The following VSIG8 variants were observed in gnomAD, a reference collection of about 807,000 sequenced individuals.
VSIG8 encodes the protein V-set and immunoglobulin domain-containing protein 8.
A neutral mutation model predicts 42.6 loss-of-function variants in VSIG8; 32 were observed. The ratio of observed to expected loss-of-function variants is 0.75; its 90% confidence interval spans 0.57 to 1.01. The LOEUF (loss-of-function observed/expected upper bound fraction) is 1.01, where lower values mean the gene tolerates loss of function less well. Among genes scored for constraint, VSIG8 ranks in the 50% least tolerant of loss-of-function variants. The probability of loss-of-function intolerance (pLI) is 0.00; values close to 1 mark genes in which losing one functional copy is unlikely to be tolerated. For missense variants in VSIG8, 529 were observed against 558.0 expected, an observed-to-expected ratio of 0.95 and a Z score of 0.52; for synonymous variants, 290 against 243.8, an observed-to-expected ratio of 1.19 and a Z score of -1.77.
At position 159,857,971 on chromosome 1, in the gene VSIG8, A is replaced by T. The variant is rs765485143; in HGVS notation, c.431-5T>A. On this transcript the variant is annotated splice_polypyrimidine_tract_variant and splice_region_variant and intron_variant, in intron 3 of 6. Transcript: ENST00000368100. ...ACATGGGCACTGCAGGTCGTGCTGC[A>T]AGGAGGCAGACAATTGTAAGCCAGG... 24 of 1,613,270 alleles carry T rather than the reference A, an allele frequency of 1.5e-5. No homozygotes were observed. Among genetic ancestry groups the T allele is most frequent in the Admixed American group, 6.7e-5 (4 of 59,894 alleles).
In VSIG8 at chr1:159,854,633, C is replaced by T; in HGVS notation, c.*120G>A. ...TTCCTTAGGGAAATGCCTTCACCCCCAGCCGCCTGGCAGCCTGGGGCGAGC... is the reference window on the plus strand; with the variant it reads ...TTCCTTAGGGAAATGCCTTCACCCCTAGCCGCCTGGCAGCCTGGGGCGAGC... On this transcript the variant is annotated 3_prime_UTR_variant, in exon 7 of 7. Transcript: ENST00000368100. 1 of 1,342,344 alleles carries T rather than the reference C, an allele frequency of 7.4e-7. No individual in the cohort carries two copies. Among genetic ancestry groups the T allele is most frequent in the Non-Finnish European group, 9.5e-7 (1 of 1,052,000 alleles). The allele number at this position is 1,342,344 out of a possible 1,614,324, so 83.2% of individuals were successfully genotyped here.
chr1:159,858,748 G>T lies in VSIG8; in HGVS notation c.214C>A (p.His72Asn). 6.2e-7 allele frequency: 1 copy of T among 1,612,462 alleles called. No individual in the cohort carries two copies. Among genetic ancestry groups the T allele is most frequent in the East Asian group, 2.2e-5 (1 of 44,864 alleles). Residue 72 changes from histidine (H) to asparagine (N), a missense_variant, in exon 2 of 7, where the codon CAC becomes AAC. His to Asn is a moderately conservative substitution (Grantham distance 68, BLOSUM62 1). Transcript: ENST00000368100. ...WMQVNSDPAH[H>N]RENVFLSYQD... is the part of the protein sequence containing the mutation. ...CCAGCACTCACCACGTTCTCTCGGTGGTGGGCGGGGTCTGAGTTGACCTGC... is the reference window on the plus strand; with the variant it reads ...CCAGCACTCACCACGTTCTCTCGGTTGTGGGCGGGGTCTGAGTTGACCTGC...
rs772510529 is a variant in VSIG8 at position 159,857,934 on chromosome 1, C to T, written c.463G>A (p.Gly155Ser). Residue 155 changes from glycine (G) to serine (S), a missense_variant, in exon 4 of 7, where the codon GGC (glycine) becomes AGC (serine). Physicochemically the swap from Gly to Ser is moderately conservative, Grantham distance 56 (BLOSUM62 0). Coordinates refer to ENST00000368100, the MANE Select transcript of VSIG8 (RefSeq NM_001013661.1). ...RPAVPMCWTE[G>S]HMTYGNDVVL... ...ACATCGTTGCCATATGTCATGTGGC[C>T]CTCTGTCCAGCACATGGGCACTGCA... 1 of 1,614,140 alleles carries T rather than the reference C, an allele frequency of 6.2e-7. No individual in the cohort carries two copies. The highest frequency in any genetic ancestry group is 1.7e-5 in the Admixed American group (1 of 60,024).
Position 159,854,707 on chromosome 1 carries a change from C to CG in VSIG8, c.*45dup. The CG allele has an allele frequency of 7.0e-7, 1 of 1,418,632 alleles. No homozygotes were observed. The highest frequency in any genetic ancestry group is 9.1e-7 in the Non-Finnish European group (1 of 1,095,600). The allele number at this position is 1,418,632 out of a possible 1,614,324, so 87.9% of individuals were successfully genotyped here. A position where few individuals can be genotyped will look rare whatever the true frequency, so the allele number is the denominator to read the frequency against. ...GTCCCCAGCTGCAGACAGAGAGCCC[C>CG]GCGCCCTCCTCCTGGCTGGGGCGCA... is the stretch of plus-strand genomic sequence containing the variant. On this transcript the variant is annotated 3_prime_UTR_variant, in exon 7 of 7. Transcript: ENST00000368100.
chr1:159,862,570 T>C lies in VSIG8; in HGVS notation c.-49A>G. On this transcript the variant is annotated 5_prime_UTR_variant, in exon 1 of 7. Transcript: ENST00000368100. The stretch of plus-strand genomic sequence containing the variant: ...CGTCTGGGCTGGGTATCCCGTGGGG[T>C]CGTAGTGGTGGGTGTGAGGGGGTAG... 6.3e-7 allele frequency: 1 copy of C among 1,579,522 alleles called. No homozygotes were observed. Among genetic ancestry groups the C allele is most frequent in the Non-Finnish European group, 8.7e-7 (1 of 1,155,550 alleles).
chr1:159,855,066 C>G, intron 6 of VSIG8, 40 bp from the exon 7 acceptor site: 1 of 1,563,720 alleles, frequency 6.4e-7, no homozygotes, highest in Non-Finnish European at 8.7e-7. Flanking sequence ...CGGGCTGCTC[C>G]GCAGCGGGGC....
In VSIG8 at chr1:159,856,767, A is replaced by ACACC. The variant is rs1304243890; in HGVS notation, c.653-128_653-125dup. ...AAGGCTTATGCATGTGTGTACACCC[A>ACACC]CACCCACACACACACACACACACTC... is the stretch of plus-strand genomic sequence containing the variant. On this transcript the variant is annotated intron_variant, in intron 4 of 6. Coordinates refer to ENST00000368100, the MANE Select transcript of VSIG8 (RefSeq NM_001013661.1). 2.7e-6 allele frequency: 3 copies of ACACC among 1,113,528 alleles called. No individual in the cohort carries two copies. In the African/African-American group the frequency reaches 7.2e-5, roughly 27 times the overall value. The allele number at this position is 1,113,528 out of a possible 1,614,324, so 69.0% of individuals were successfully genotyped here. A position where few individuals can be genotyped will look rare whatever the true frequency, so the allele number is the denominator to read the frequency against.
Position 159,854,852 on chromosome 1 carries a change from G to A in VSIG8, c.1146C>T (p.Cys382=). Residue 382 remains cysteine, a synonymous_variant, in exon 7 of 7, where the codon TGC becomes TGT. Coordinates refer to ENST00000368100, the MANE Select transcript of VSIG8 (RefSeq NM_001013661.1). ...CGTAGACCGGGGAGGGGCCCGCTTC[G>A]CAGGCGGCGGCGGCGGTGCAGGGCG... The part of the protein sequence containing the change: ...ALAPCTAAAA[C]EAGPSPVYVK... 1 of 1,479,962 alleles carries A rather than the reference G, an allele frequency of 6.8e-7. No individual in the cohort carries two copies. Among genetic ancestry groups the A allele is most frequent in the Non-Finnish European group, 8.9e-7 (1 of 1,124,594 alleles). 91.7% of individuals were successfully genotyped at this position (1,479,962 alleles called of 1,614,324 possible).
intron 2 of VSIG8, 138 bp downstream of exon 2, chr1:159,858,596 C>T (rs1410787177): frequency 1.1e-6 from 1 of 939,752 alleles, no homozygotes; most frequent in Non-Finnish European, 1.6e-6. Context: ...AATTGCAGAG[C>T]TCTCATCCCC....
chr1:159,859,759 T>A (rs753507390), intron 1 of VSIG8, among the ~76,000 whole-genome samples: 1 of 152,142 alleles, frequency 6.6e-6, no homozygotes, highest in Non-Finnish European at 1.5e-5. Context: ...CTGTGTGTGC[T>A]TCCTCTTATG....
At position 159,854,893 on chromosome 1, in the gene VSIG8, C is replaced by T. The variant is rs1648755262; in HGVS notation, c.1105G>A (p.Glu369Lys). The change falls in exon 7 of 7, where the codon GAG (glutamate) becomes AAG (lysine). Residue 369 changes from glutamate (E) to lysine (K), a missense_variant. Transcript: ENST00000368100. ...KYAPPPCGGP[E>K]DVALAPCTAA... is the part of the protein sequence containing the mutation. ...GTGCAGGGCGCCAGGGCCACGTCCT[C>T]GGGGCCGCCGCAGGGGGGAGGCGCG... 3.4e-6 allele frequency: 5 copies of T among 1,471,026 alleles called. No homozygotes were observed. The highest frequency in any genetic ancestry group is 4.5e-6 in the Non-Finnish European group (5 of 1,120,904). The allele number at this position is 1,471,026 out of a possible 1,614,324, so 91.1% of individuals were successfully genotyped here.
rs763859275 is a variant in VSIG8 at position 159,856,566 on chromosome 1, T to C, written c.730A>G (p.Asn244Asp). The C allele has an allele frequency of 4.2e-5, 68 of 1,614,048 alleles. No individual in the cohort carries two copies. Among genetic ancestry groups the C allele is most frequent in the Non-Finnish European group, 5.5e-5 (65 of 1,180,026 alleles). ...ACCACACAAACACTGTAGCCCACGTTGTTGGCCACTGTGCACTGATACAGC... is the reference window on the plus strand; with the variant it reads ...ACCACACAAACACTGTAGCCCACGTCGTTGGCCACTGTGCACTGATACAGC... ...DGLYQCTVAN[N>D]VGYSVCVVEV... The change falls in exon 5 of 7, where the codon AAC becomes GAC. Residue 244 changes from asparagine (N) to aspartate (D), a missense_variant. Asn to Asp is a conservative substitution (Grantham distance 23). Coordinates refer to ENST00000368100, the MANE Select transcript of VSIG8 (RefSeq NM_001013661.1).
chr1:159,854,578 T>G lies in VSIG8; in HGVS notation c.*175A>C. 2 of 1,219,236 alleles carry G rather than the reference T, an allele frequency of 1.6e-6. No individual in the cohort carries two copies. Among genetic ancestry groups the G allele is most frequent in the Non-Finnish European group, 2.1e-6 (2 of 946,250 alleles). 75.5% of individuals were successfully genotyped at this position (1,219,236 alleles called of 1,614,324 possible). On this transcript the variant is annotated 3_prime_UTR_variant, in exon 7 of 7. Transcript: ENST00000368100. ...CGCCCTCGCCCGCCCCTTCCCACTT[T>G]TGGGGAGGAGGCTCTGCCTCCCTAC...
intron 6 of VSIG8, 22 bp downstream of exon 6, chr1:159,855,861 T>C: frequency 6.5e-7 from 1 of 1,544,254 alleles, no homozygotes; most frequent in Admixed American, 2.1e-5. Context: ...CACAGCAGCA[T>C]GCAGCATGCA....
intron 4 of VSIG8, 143 bp from the exon 5 acceptor site, chr1:159,856,786 CA>C: frequency 2.8e-6 from 3 of 1,067,990 alleles, no homozygotes; most frequent in Non-Finnish European, 2.7e-6. Context: ...CACACACACA[CA>C]CACTCCACTC....
intron 4 of VSIG8, 103 bp downstream of exon 4, chr1:159,857,642 A>C: frequency 1.1e-6 from 1 of 891,114 alleles, no homozygotes. Context: ...CAGGGATTCC[A>C]GGTTTGATTT....
At position 159,854,985 on chromosome 1, in the gene VSIG8, C is replaced by A; in HGVS notation, c.1013G>T (p.Gly338Val). 1 of 1,556,864 alleles carries A rather than the reference C, an allele frequency of 6.4e-7. No individual in the cohort carries two copies. Among genetic ancestry groups the A allele is most frequent in the Non-Finnish European group, 8.6e-7 (1 of 1,157,656 alleles). The change falls in exon 7 of 7, where the codon GGC becomes GTC. Residue 338 changes from glycine (G) to valine (V), a missense_variant. Transcript: ENST00000368100. ...CCCCAGGAGGTGGGTGACGCGGCTG[C>A]CGCGCCCGCTGGCCTTGCACCCGGG... ...VAPGCKASGR[G>V]SRVTHLLGYP...
At chr1:159,855,833 GGCGCCGGTTCCCTGCCGCACAGCAGCAT>G (rs1648799736) in intron 6 of VSIG8, 22 bp downstream of exon 6, 11 of 1,496,964 alleles carry the variant, frequency 7.3e-6, no homozygotes, top group Non-Finnish European at 8.8e-6. Context: ...AGGTGGGCAG[GGCGCCGGTTCCCTGCCGCACAGCAGCAT>G]GCAGCATGCA....
chr1:159,858,744 C>G lies in VSIG8; in HGVS notation c.218G>C (p.Arg73Pro), dbSNP rs141528275. Reference protein sequence around the residue: ...MQVNSDPAHHRENVFLSYQDK... With the variant: ...MQVNSDPAHHPENVFLSYQDK... ...GTGCCCAGCACTCACCACGTTCTCT[C>G]GGTGGTGGGCGGGGTCTGAGTTGAC... The change falls in exon 2 of 7, where the codon CGA becomes CCA. Residue 73 changes from arginine to proline, a missense_variant. Arg to Pro is a moderately radical substitution (Grantham distance 103). Transcript: ENST00000368100. 22 of 1,610,958 alleles carry G rather than the reference C, an allele frequency of 1.4e-5. No homozygotes were observed. The African/African-American group carries it at 2.8e-4, about 21-fold the overall frequency.
Sources: gnomAD v4.1 joint callset for allele counts (sites outside exome capture counted in the v4.1 genomes callset) on GRCh38, gnomAD v4.1.1 for gene constraint, MANE v1.5 for transcripts, NCBI Gene and HGNC (gene_info 2026-07-23, HGNC 2026-07-21) for gene names.